The following CCDC30 variants were observed in gnomAD, a reference collection of about 807,000 sequenced individuals.
CCDC30 encodes coiled-coil domain containing 30.
Under a neutral mutation model 100.2 loss-of-function variants are expected in CCDC30, and 70 were observed. The observed-to-expected ratio is 0.70, with a 90% confidence interval of 0.58 to 0.85. The LOEUF is 0.85. Ranked by LOEUF, CCDC30 falls within the 40% of genes least tolerant of loss-of-function variation. The probability of loss-of-function intolerance (pLI) is 0.00; values close to 1 mark genes in which losing one functional copy is unlikely to be tolerated. For missense variants in CCDC30, 652 were observed against 771.2 expected (o/e 0.85, Z 1.83); for synonymous variants, 233 against 269.5 (o/e 0.86, Z 1.33).
At chr1:42,610,842 C>G in intron 10 of CCDC30, 136 bp from the exon 15 acceptor site, 1 of 520,066 alleles carries the variant, frequency 1.9e-6, no homozygotes, top group Middle Eastern at 4.2e-4. Flanking sequence ...TACAGGAATC[C>G]CGTGAAGCTA....
At position 42,633,136 on chromosome 1, in the gene CCDC30, A is replaced by G. The variant is rs555823636; in HGVS notation, c.1278-4101A>G. The stretch of plus-strand genomic sequence containing the variant: ...GCTATACATTATTCTTTGTATCACA[A>G]ATTTCAAGAACAGAAAATAATGAGT... On this transcript the variant is annotated intron_variant, in intron 11 of 16. Coordinates refer to ENST00000668663, the Ensembl canonical transcript of CCDC30. 2.6e-5 allele frequency among the ~76,000 whole-genome samples: 4 copies of G among 152,274 alleles called. No individual in the cohort carries two copies. In the South Asian group the frequency reaches 6.2e-4, roughly 24 times the overall value.
rs72661309 is a variant in CCDC30 at position 42,596,094 on chromosome 1, G to A, written c.1164+6611G>A. Among the ~76,000 whole-genome samples the A allele has an allele frequency of 3.3e-5, 5 of 152,270 alleles. No homozygotes were observed. Among genetic ancestry groups the A allele is most frequent in the Admixed American group, 2.0e-4 (3 of 15,298 alleles). On this transcript the variant is annotated intron_variant, in intron 10 of 16. Transcript: ENST00000668663. The surrounding 1 kb of genome is among the most constrained non-coding windows in gnomAD (Gnocchi z 4.3). ...AGGTCACAGTCCAAACCGCTACCCC[G>A]AAAATTAGAGATACCTATAGACAAA... is the stretch of plus-strand genomic sequence containing the variant.
At chr1:42,546,423 TATATATATATATATATATAG>T (rs1557843177) in intron 6 of CCDC30, among the ~76,000 whole-genome samples, 1 of 90,504 alleles carries the variant, frequency 1.1e-5, no homozygotes, top group African/African-American at 4.4e-5. Flanking sequence ...TATATATATA[TATATATATATATATATATAG>T]TATTCTAATA....
intron 1 of CCDC30, among the ~76,000 whole-genome samples, chr1:42,476,304 G>A (rs1369432236): frequency 4.6e-5 from 7 of 152,146 alleles, no homozygotes; most frequent in African/African-American, 1.7e-4. Flanking sequence ...CCAGAGTAGT[G>A]TATTTTTAAC....
At position 42,548,303 on chromosome 1, in the gene CCDC30, A is replaced by G. The variant is rs537470957; in HGVS notation, c.457-17993A>G. On this transcript the variant is annotated intron_variant, in intron 6 of 16. Coordinates refer to ENST00000668663, the Ensembl canonical transcript of CCDC30. ...TTGGCTCATCTGTCTTTGAGAATAGATGATATTCTTTAGTAATATTCAGCA... is the reference window on the plus strand; with the variant it reads ...TTGGCTCATCTGTCTTTGAGAATAGGTGATATTCTTTAGTAATATTCAGCA... 1.1e-4 allele frequency among the ~76,000 whole-genome samples: 16 copies of G among 152,308 alleles called. No homozygotes were observed. In the East Asian group the frequency reaches 3.1e-3, roughly 29 times the overall value.
chr1:42,647,023 CT>C (rs1313919570), intron 15 of CCDC30, among the ~76,000 whole-genome samples: 4 of 152,038 alleles, frequency 2.6e-5, no homozygotes, highest in Non-Finnish European at 4.4e-5. Context: ...TCACTTGAAC[CT>C]GGGAGGCAGA....
chr1:42,646,025 T>A (rs1647852243), intron 14 of CCDC30, 110 bp from the exon 19 acceptor site: 1 of 1,373,630 alleles, frequency 7.3e-7, no homozygotes, highest in East Asian at 2.5e-5. Context: ...GTCACATGGA[T>A]CAGAACTATA....
At chr1:42,612,645 A>AT in intron 11 of CCDC30, among the ~76,000 whole-genome samples, 1 of 152,348 alleles carries the variant, frequency 6.6e-6, no homozygotes, top group East Asian at 1.9e-4. Flanking sequence ...GCAAATCATC[A>AT]TTATCACTGT....
rs373736967 is a variant in CCDC30, at chr1:42,637,293, G to A, written c.1334G>A (p.Arg445His). Residue 445 changes from arginine (R) to histidine (H), a missense_variant, in exon 12 of 17, where the codon CGT becomes CAT. Arg to His is a conservative substitution (Grantham distance 29, BLOSUM62 0). Transcript: ENST00000668663. ...GTCAAGCTTCAAAAAGTCAAGTATC[G>A]TTTAACTAATGAAGTAGAACTACGA... 101 of 1,582,386 alleles carry A rather than the reference G, an allele frequency of 6.4e-5. No homozygotes were observed. Among genetic ancestry groups the A allele is most frequent in the East Asian group, 2.9e-4 (13 of 44,520 alleles).
At chr1:42,646,221 C>T in exon 15 of CCDC30, 1 of 1,568,220 alleles carries the variant, frequency 6.4e-7, no homozygotes, top group East Asian at 2.4e-5. Flanking sequence ...AAGAAATATA[C>T]AGCACTGAGG....
chr1:42,529,201 C>T (rs375238075), intron 6 of CCDC30, among the ~76,000 whole-genome samples: 52 of 152,248 alleles, frequency 3.4e-4, no homozygotes, highest in South Asian at 2.9e-3. Flanking sequence ...TGAGTTGCTG[C>T]GGTGGCTCAC....
In CCDC30 at chr1:42,572,222, G is replaced by C. The variant is rs534586446; in HGVS notation, c.637-4798G>C. 3.7e-3 allele frequency among the ~76,000 whole-genome samples: 561 copies of C among 152,316 alleles called. 2 individuals are homozygous for C. Among genetic ancestry groups the C allele is most frequent in the African/African-American group, 0.013 (541 of 41,556 alleles). Reference sequence around the variant, plus strand: ...TTTGCAAACCTAGTATACGTGTATAGCAGTAGTTCCTTGTGGTTTTAGTGT... The same window carrying C: ...TTTGCAAACCTAGTATACGTGTATACCAGTAGTTCCTTGTGGTTTTAGTGT... On this transcript the variant is annotated intron_variant, in intron 7 of 16. Transcript: ENST00000668663.
intron 6 of CCDC30, among the ~76,000 whole-genome samples, chr1:42,555,928 G>C (rs1645358853): frequency 6.6e-6 from 1 of 152,172 alleles, no homozygotes; most frequent in South Asian, 2.1e-4. Flanking sequence ...GACATCAGGT[G>C]ATCCGCCCAT....
rs1042257072 is a variant in CCDC30 at position 42,613,601 on chromosome 1, G to A, written c.1277+2511G>A. Among the ~76,000 whole-genome samples the A allele has an allele frequency of 2.6e-5, 4 of 152,154 alleles. No individual in the cohort carries two copies. In the East Asian group the frequency reaches 7.7e-4, roughly 29 times the overall value. On this transcript the variant is annotated intron_variant, in intron 11 of 16. Transcript: ENST00000668663. ...GGGACAGGAATTTTTCCAGAACTGAGGGTTCCTCTTTTTTTTAGTCTATAT... is the reference window on the plus strand; with the variant it reads ...GGGACAGGAATTTTTCCAGAACTGAAGGTTCCTCTTTTTTTTAGTCTATAT...
At chr1:42,546,315 G>A (rs910550293) in intron 6 of CCDC30, among the ~76,000 whole-genome samples, 2 of 148,372 alleles carry the variant, frequency 1.3e-5, no homozygotes, top group African/African-American at 2.5e-5. Context: ...AACCCAGAAG[G>A]TGGAGGTTGC....
intron 6 of CCDC30, chr1:42,500,426 T>A (rs1048669069): frequency 3.5e-6 from 3 of 863,744 alleles, no homozygotes; most frequent in Middle Eastern, 7.4e-4. Flanking sequence ...TCTCTTTTTT[T>A]TTTTTGAGAC....
intron 12 of CCDC30, among the ~76,000 whole-genome samples, chr1:42,641,855 A>AAAAAC (rs959012645): frequency 2.6e-5 from 4 of 152,126 alleles, no homozygotes; most frequent in Non-Finnish European, 2.9e-5. Flanking sequence ...ACTCCATGTC[A>AAAAAC]AAAACAAAAC....
intron 7 of CCDC30, chr1:42,569,069 T>C (rs12031515): frequency 0.38 from 58,516 of 152,018 alleles, 11,768 homozygotes; most frequent in East Asian, 0.59. Context: ...AAAACTGGAA[T>C]GATACAGAGA....
intron 1 of CCDC30, among the ~76,000 whole-genome samples, chr1:42,479,086 T>C (rs971903600): frequency 6.6e-6 from 1 of 152,124 alleles, no homozygotes; most frequent in Non-Finnish European, 1.5e-5. Flanking sequence ...CAAGAAAATA[T>C]ATTCTTGGGC....
Sources: gnomAD v4.1 joint callset for allele counts (sites outside exome capture counted in the v4.1 genomes callset) on GRCh38, gnomAD v4.1.1 for gene constraint, Gnocchi (gnomAD v3.1) non-coding constraint, MANE v1.5 for transcripts, NCBI Gene and HGNC (gene_info 2026-07-23, HGNC 2026-07-21) for gene names.